Variants in SPMIP2 observed in about 807,000 individuals in gnomAD.
SPMIP2 encodes protein SPMIP2.
chr4:158,984,787 C>A, the SPMIP2 span, among the ~76,000 whole-genome samples: 1 of 151,200 alleles, frequency 6.6e-6, no homozygotes, highest in African/African-American at 2.4e-5. Context: ...AAAATCAGAG[C>A]AGAACTGAAG....
the SPMIP2 span, among the ~76,000 whole-genome samples, chr4:158,913,978 G>T: frequency 1.3e-5 from 2 of 152,192 alleles, no homozygotes; most frequent in African/African-American, 4.8e-5. Context: ...GCTGGGGAAA[G>T]AGTATATCAC....
At chr4:158,999,185 CA>C in the SPMIP2 span, among the ~76,000 whole-genome samples, 5 of 144,512 alleles carry the variant, frequency 3.5e-5, no homozygotes, top group African/African-American at 1.3e-4. Flanking sequence ...AAAAAAACAA[CA>C]AAAAAAAACC....
chr4:159,024,222 C>G, the SPMIP2 span, among the ~76,000 whole-genome samples: 2 of 152,202 alleles, frequency 1.3e-5, no homozygotes, highest in African/African-American at 4.8e-5. Context: ...GATTTGATGT[C>G]TCTGTCAGTG....
the SPMIP2 span, among the ~76,000 whole-genome samples, chr4:158,919,882 A>C: frequency 6.6e-6 from 1 of 152,210 alleles, no homozygotes. Flanking sequence ...GTTTTGGCAC[A>C]AAAGATGTTC....
At chr4:159,018,793 G>A in the SPMIP2 span, among the ~76,000 whole-genome samples, 2 of 152,048 alleles carry the variant, frequency 1.3e-5, no homozygotes, top group African/African-American at 4.8e-5. Context: ...CTTTAGTCAA[G>A]AAGAATAGCA....
the SPMIP2 span, among the ~76,000 whole-genome samples, chr4:158,982,636 C>T: frequency 1.3e-5 from 2 of 152,118 alleles, no homozygotes; most frequent in African/African-American, 2.4e-5. Flanking sequence ...GGGTAAATAA[C>T]GAAATGAAGG....
At chr4:159,054,822 C>T in the SPMIP2 span, among the ~76,000 whole-genome samples, 1 of 150,982 alleles carries the variant, frequency 6.6e-6, no homozygotes, top group South Asian at 2.1e-4. Flanking sequence ...CCCTCCCACC[C>T]TGCCCCTTGC....
the SPMIP2 span, among the ~76,000 whole-genome samples, chr4:159,066,589 T>TTTTATATATATATATATATA: frequency 2.6e-5 from 2 of 76,632 alleles, no homozygotes; most frequent in Admixed American, 1.5e-4. Context: ...TGTGTGTATT[T>TTTTATATATATATATATATA]TATATATATA....
chr4:158,922,305 C>T, the SPMIP2 span, among the ~76,000 whole-genome samples: 5 of 152,162 alleles, frequency 3.3e-5, no homozygotes, highest in Non-Finnish European at 7.4e-5. Context: ...AACATCCCAA[C>T]CCAGGATGCT....
the SPMIP2 span, among the ~76,000 whole-genome samples, chr4:158,914,906 C>T: frequency 2.6e-5 from 4 of 152,158 alleles, no homozygotes; most frequent in Non-Finnish European, 2.9e-5. Flanking sequence ...CAGGGGTCGC[C>T]ATTCTCTCAA....
At chr4:158,955,422 T>C in the SPMIP2 span, among the ~76,000 whole-genome samples, 41 of 152,334 alleles carry the variant, frequency 2.7e-4, no homozygotes, top group African/African-American at 9.1e-4. Context: ...TTTGTTTTTT[T>C]GAGACAGAGT....
chr4:158,946,426 G>T, the SPMIP2 span, among the ~76,000 whole-genome samples: 2 of 152,118 alleles, frequency 1.3e-5, no homozygotes, highest in Non-Finnish European at 2.9e-5. Flanking sequence ...GGGGGGACCC[G>T]GTGGGAGGTG....
the SPMIP2 span, among the ~76,000 whole-genome samples, chr4:158,979,526 G>A: frequency 6.1e-4 from 93 of 152,294 alleles, no homozygotes; most frequent in South Asian, 2.3e-3. Context: ...TGAGGTACCC[G>A]GCTCATCTCA....
the SPMIP2 span, among the ~76,000 whole-genome samples, chr4:158,952,436 T>C: frequency 6.6e-6 from 1 of 152,174 alleles, no homozygotes. Context: ...TTCCTCATTT[T>C]CTCTTGCCAC....
chr4:158,893,713 CT>C, the SPMIP2 span: 1 of 1,585,026 alleles, frequency 6.3e-7, no homozygotes, highest in Non-Finnish European at 8.6e-7. Flanking sequence ...TTAATGTTTC[CT>C]TTTCTGTAAG....
At chr4:158,988,104 C>T in the SPMIP2 span, among the ~76,000 whole-genome samples, 1 of 152,162 alleles carries the variant, frequency 6.6e-6, no homozygotes, top group African/African-American at 2.4e-5. Flanking sequence ...TCAGAGAATA[C>T]TATAAACAGC....
At chr4:158,920,840 T>C in the SPMIP2 span, among the ~76,000 whole-genome samples, 1 of 152,184 alleles carries the variant, frequency 6.6e-6, no homozygotes, top group South Asian at 2.1e-4. Flanking sequence ...TTGTTCTGCT[T>C]TTTGCCCTTT....
chr4:159,007,760 G>T, the SPMIP2 span: 1 of 601,986 alleles, frequency 1.7e-6, no homozygotes. Context: ...TCTACGCTGA[G>T]GTTTAACATA....
chr4:158,941,448 G>A, the SPMIP2 span, among the ~76,000 whole-genome samples: 1 of 152,126 alleles, frequency 6.6e-6, no homozygotes, highest in Non-Finnish European at 1.5e-5. Context: ...CTTGAGGCCA[G>A]GAGTTCCAGA....
Sources: allele counts gnomAD v4.1 joint callset (sites outside exome capture counted in the v4.1 genomes callset), GRCh38; gene constraint gnomAD v4.1.1; transcripts MANE v1.5; gene names NCBI Gene and HGNC (gene_info 2026-07-23, HGNC 2026-07-21).